The following TEX11 variants were observed in gnomAD, a reference collection of about 807,000 sequenced individuals.
TEX11 encodes the protein testis-expressed protein 11.
A neutral mutation model predicts 84.4 loss-of-function variants in TEX11; 7 were observed. The observed-to-expected ratio is 0.08, with a 90% confidence interval of 0.05 to 0.16. The LOEUF is 0.16. Among genes scored for constraint, TEX11 ranks in the 10% least tolerant of loss-of-function variants. The pLI is 1.00. For missense variants in TEX11, 551 were observed against 660.5 expected (o/e 0.83, Z 1.82); for synonymous variants, 264 against 222.8 (o/e 1.18, Z -1.64).
chrX:70,855,020 C>A (rs2091528473), intron 5 of TEX11, among the ~76,000 whole-genome samples: 1 of 109,678 alleles, frequency 9.1e-6, no homozygotes, highest in African/African-American at 3.3e-5. Flanking sequence ...TGCACTCTAG[C>A]CTGGGTGACA....
chrX:70,828,587 T>A (rs761107300), intron 8 of TEX11, among the ~76,000 whole-genome samples: 1 of 111,116 alleles, frequency 9.0e-6, no homozygotes, highest in Admixed American at 9.6e-5. Flanking sequence ...CATACCTACA[T>A]GATCTAGAAA....
chrX:70,610,211 AGAGG>A (rs1271254788), intron 21 of TEX11, among the ~76,000 whole-genome samples: 8 of 49,887 alleles, frequency 1.6e-4, no homozygotes, highest in African/African-American at 5.5e-4. Flanking sequence ...AGGAAGGAAG[AGAGG>A]GAGGGAGGGA....
At chrX:70,792,369 T>A (rs2091129575) in intron 9 of TEX11, among the ~76,000 whole-genome samples, 1 of 54,030 alleles carries the variant, frequency 1.9e-5, no homozygotes, top group Non-Finnish European at 3.2e-5. Flanking sequence ...CACACACAAA[T>A]ATATATCTGG....
At chrX:70,663,707 C>T (rs963456628) in intron 16 of TEX11, among the ~76,000 whole-genome samples, 6 of 111,739 alleles carry the variant, frequency 5.4e-5, no homozygotes, top group Non-Finnish European at 1.1e-4. Context: ...CATTTTCAAC[C>T]TATGACGGAT....
At chrX:70,526,799 C>T (rs2147921218), downstream of TEX11, among the ~76,000 whole-genome samples, 1 of 110,727 alleles carries the variant, frequency 9.0e-6, no homozygotes, top group South Asian at 3.9e-4. Flanking sequence ...GGCATCATGG[C>T]TCCTTGGAGA....
intron 28 of TEX11, among the ~76,000 whole-genome samples, chrX:70,539,898 A>T (rs1042553301): frequency 9.0e-6 from 1 of 111,593 alleles, no homozygotes; most frequent in Admixed American, 9.6e-5. Flanking sequence ...AAAAGAAAGA[A>T]AAAAGCCCCA....
intron 1 of TEX11, among the ~76,000 whole-genome samples, chrX:70,908,407 A>G (rs956577087): frequency 9.0e-6 from 1 of 111,297 alleles, no homozygotes; most frequent in Admixed American, 9.6e-5. Flanking sequence ...AGTAACTACT[A>G]TCTCCGGTTT....
At chrX:70,712,087 A>G (rs2090441189) in intron 13 of TEX11, among the ~76,000 whole-genome samples, 1 of 111,555 alleles carries the variant, frequency 9.0e-6, no homozygotes, top group South Asian at 3.8e-4. Context: ...TTTGTCAAAG[A>G]TCAGATAGTT....
intron 17 of TEX11, among the ~76,000 whole-genome samples, chrX:70,646,382 A>G (rs2089743084): frequency 8.9e-6 from 1 of 112,572 alleles, no homozygotes; most frequent in African/African-American, 3.2e-5. Context: ...ACATGGGATT[A>G]CATCAAACTA....
At chrX:70,840,009 T>C (rs2091432443) in intron 7 of TEX11, among the ~76,000 whole-genome samples, 1 of 111,812 alleles carries the variant, frequency 8.9e-6, no homozygotes, top group African/African-American at 3.2e-5. Flanking sequence ...CTGATTGGTG[T>C]AGCTGAAAGT....
At chrX:70,683,869 T>A (rs867995438) in intron 13 of TEX11, among the ~76,000 whole-genome samples, 37 of 111,562 alleles carry the variant, frequency 3.3e-4, no homozygotes, top group African/African-American at 1.1e-3. Context: ...CAGAAATAAA[T>A]CTTGTTATAT....
intron 8 of TEX11, among the ~76,000 whole-genome samples, chrX:70,814,410 C>T (rs902480341): frequency 8.9e-5 from 10 of 112,217 alleles, no homozygotes; most frequent in Non-Finnish European, 1.3e-4. Context: ...AGTGATTAGG[C>T]TCTCCCAGAT....
At chrX:70,691,340 G>A (rs914028679) in intron 13 of TEX11, among the ~76,000 whole-genome samples, 13 of 111,881 alleles carry the variant, frequency 1.2e-4, no homozygotes, top group African/African-American at 4.2e-4. Context: ...ATTGAAAGCA[G>A]GGTCTCGAAC....
chrX:70,516,974 A>G, the TEX11 span, among the ~76,000 whole-genome samples: 3 of 111,948 alleles, frequency 2.7e-5, no homozygotes, highest in Non-Finnish European at 3.8e-5. Context: ...TTGATTTTGT[A>G]TCCTGAGACT....
At chrX:70,813,046 G>A (rs745753473) in intron 8 of TEX11, among the ~76,000 whole-genome samples, 1 of 111,385 alleles carries the variant, frequency 9.0e-6, no homozygotes, top group South Asian at 3.8e-4. Context: ...CATTCCTTCT[G>A]AAACCATTTC....
At chrX:70,844,054 G>A (rs1307966753) in intron 7 of TEX11, among the ~76,000 whole-genome samples, 4 of 110,197 alleles carry the variant, frequency 3.6e-5, no homozygotes, top group East Asian at 5.8e-4. Context: ...TCAGTGTGGC[G>A]ATTCCTCAGG....
chrX:70,552,227 C>G lies in TEX11; in HGVS notation c.2419G>C (p.Val807Leu), dbSNP rs761355754. 3.3e-6 allele frequency: 4 copies of G among 1,208,345 alleles called. No individual in the cohort carries two copies. Among genetic ancestry groups the G allele is most frequent in the Non-Finnish European group, 4.5e-6 (4 of 894,371 alleles). ...SQYSKCMHNLVNLSVPDGASN... is the reference protein window; with the variant it reads ...SQYSKCMHNLLNLSVPDGASN... ...GCCCCATCTGGCACTGAGAGGTTAA[C>G]CAAGTTGTGCATACATTTGCTGAAA... The change falls in exon 28 of 30, where the codon GTT (valine) becomes CTT (leucine). Residue 807 changes from valine (V) to leucine (L), a missense_variant. Coordinates refer to ENST00000374333, the MANE Select transcript of TEX11 (RefSeq NM_031276.3).
At chrX:70,579,188 T>G (rs765560987) in intron 25 of TEX11, among the ~76,000 whole-genome samples, 1 of 110,827 alleles carries the variant, frequency 9.0e-6, no homozygotes, top group East Asian at 2.8e-4. Flanking sequence ...TAATAATTCT[T>G]GTTTAAATCA....
intron 2 of TEX11, among the ~76,000 whole-genome samples, chrX:70,893,387 C>T (rs145391577): frequency 0.04 from 4,476 of 111,756 alleles, 123 homozygotes; most frequent in South Asian, 0.15. Context: ...GAACACAGTG[C>T]AATCAAATTA....
Sources: allele counts gnomAD v4.1 joint callset (sites outside exome capture counted in the v4.1 genomes callset), GRCh38; gene constraint gnomAD v4.1.1; transcripts MANE v1.5; gene names NCBI Gene and HGNC (gene_info 2026-07-23, HGNC 2026-07-21).